The following PCDH9 variants were observed in gnomAD, a reference collection of about 807,000 sequenced individuals.
PCDH9 encodes protocadherin 9.
A neutral mutation model predicts 70.6 loss-of-function variants in PCDH9; 24 were observed. The observed-to-expected ratio is 0.34, with a 90% CI of 0.25 to 0.48. The LOEUF (loss-of-function observed/expected upper bound fraction) is 0.48, where lower values mean the gene tolerates loss of function less well. Among genes scored for constraint, PCDH9 ranks in the 20% least tolerant of loss-of-function variants. The pLI is 0.99. For missense variants in PCDH9, 1,281 were observed against 1,503.6 expected (o/e 0.85, Z 2.45); for synonymous variants, 562 against 558.5 (o/e 1.01, Z -0.09).
At chr13:66,457,278 TTTG>T (rs1234789891) in intron 4 of PCDH9, among the ~76,000 whole-genome samples, 10 of 152,106 alleles carry the variant, frequency 6.6e-5, no homozygotes, top group East Asian at 3.9e-4. Flanking sequence ...AGCTTATTAT[TTTG>T]TTATTTATCC....
intron 4 of PCDH9, among the ~76,000 whole-genome samples, chr13:66,496,791 G>A (rs1946787734): frequency 6.6e-6 from 1 of 152,078 alleles, no homozygotes; most frequent in South Asian, 2.1e-4. Context: ...GTTCTCAATA[G>A]TGCAATTAGT....
chr13:66,562,531 A>G (rs1468536070), intron 4 of PCDH9, among the ~76,000 whole-genome samples: 2 of 152,198 alleles, frequency 1.3e-5, no homozygotes, highest in Admixed American at 1.3e-4. Flanking sequence ...CATGTCTTAC[A>G]TGGTAGCAGG....
chr13:66,874,989 G>A (rs1398041547), intron 3 of PCDH9, among the ~76,000 whole-genome samples: 3 of 150,506 alleles, frequency 2.0e-5, no homozygotes, highest in Non-Finnish European at 4.4e-5. Context: ...GAAGGGGGAG[G>A]GAGGAGGAGA....
intron 3 of PCDH9, among the ~76,000 whole-genome samples, chr13:66,722,394 C>T (rs1385714315): frequency 2.0e-5 from 3 of 152,062 alleles, no homozygotes; most frequent in Non-Finnish European, 4.4e-5. Flanking sequence ...AAAATCAAAT[C>T]GCAAAGAGAT....
chr13:66,680,071 C>T lies in PCDH9; in HGVS notation c.3139-48660G>A, dbSNP rs115042758. Among the ~76,000 whole-genome samples, 348 of 151,998 alleles carry T rather than the reference C, an allele frequency of 2.3e-3. 1 individual carries two copies. The highest frequency in any genetic ancestry group is 8.3e-3 in the African/African-American group (343 of 41,536). On this transcript the variant is annotated intron_variant, in intron 3 of 4. Transcript: ENST00000377865. ...TAAGAGTTCAGATTCCTAATTTCAA[C>T]TTCTGGATTCCTTTGGCAATATTTA...
chr13:66,622,431 G>A (rs1030158915), intron 4 of PCDH9, among the ~76,000 whole-genome samples: 5 of 152,204 alleles, frequency 3.3e-5, no homozygotes, highest in African/African-American at 1.2e-4. Flanking sequence ...TGGGGACGTG[G>A]AGAACCTTTG....
intron 2 of PCDH9, among the ~76,000 whole-genome samples, chr13:67,047,930 AC>A (rs1232176398): frequency 1.3e-5 from 2 of 152,260 alleles, no homozygotes; most frequent in East Asian, 3.9e-4. Flanking sequence ...CAATTTATGA[AC>A]CGGATTTCCT....
intron 2 of PCDH9, among the ~76,000 whole-genome samples, chr13:66,940,196 T>C (rs927745542): frequency 3.3e-5 from 5 of 152,186 alleles, no homozygotes; most frequent in Non-Finnish European, 7.4e-5. Flanking sequence ...TTCCAATTCA[T>C]TGGCCTTCAT....
At chr13:66,855,981 T>C (rs1409146758) in intron 3 of PCDH9, among the ~76,000 whole-genome samples, 2 of 151,922 alleles carry the variant, frequency 1.3e-5, no homozygotes, top group Non-Finnish European at 2.9e-5. Flanking sequence ...ATTATGAACA[T>C]GGTTTACTAA....
At chr13:67,170,505 T>C (rs1393253082) in intron 2 of PCDH9, among the ~76,000 whole-genome samples, 1 of 152,212 alleles carries the variant, frequency 6.6e-6, no homozygotes, top group Non-Finnish European at 1.5e-5. Context: ...CCATTCGATT[T>C]GCAATAGCAA....
chr13:66,686,858 A>T (rs1055906947), intron 3 of PCDH9, among the ~76,000 whole-genome samples: 1 of 152,126 alleles, frequency 6.6e-6, no homozygotes, highest in Non-Finnish European at 1.5e-5. Flanking sequence ...GGCTTAGAAA[A>T]ATTCTCAAAA....
chr13:67,112,500 C>T (rs2086676806), intron 2 of PCDH9, among the ~76,000 whole-genome samples: 1 of 152,094 alleles, frequency 6.6e-6, no homozygotes, highest in African/African-American at 2.4e-5. Context: ...TTATCATTTG[C>T]ACTGGGTCTT....
chr13:67,024,942 T>C (rs1397868409), intron 2 of PCDH9, among the ~76,000 whole-genome samples: 2 of 152,156 alleles, frequency 1.3e-5, no homozygotes, highest in African/African-American at 4.8e-5. Flanking sequence ...TTTCATCTAC[T>C]TACATAAATG....
At chr13:67,093,156 T>G (rs2086252360) in intron 2 of PCDH9, among the ~76,000 whole-genome samples, 1 of 152,270 alleles carries the variant, frequency 6.6e-6, no homozygotes, top group East Asian at 1.9e-4. Context: ...TTAGTTTGTC[T>G]TTAAAAGAGC....
chr13:66,456,420 C>T (rs1594010782), intron 4 of PCDH9, among the ~76,000 whole-genome samples: 1 of 152,044 alleles, frequency 6.6e-6, no homozygotes, highest in African/African-American at 2.4e-5. Flanking sequence ...TACCACCACA[C>T]CTAGCTAATT....
At chr13:66,445,171 A>T (rs914587992) in intron 4 of PCDH9, among the ~76,000 whole-genome samples, 3 of 146,694 alleles carry the variant, frequency 2.0e-5, no homozygotes, top group African/African-American at 7.4e-5. Flanking sequence ...ATTATATATT[A>T]TATATATATA....
At chr13:67,211,008 A>T (rs577329596) in intron 2 of PCDH9, 1 of 152,092 alleles carries the variant, frequency 6.6e-6, no homozygotes, top group African/African-American at 2.4e-5. Flanking sequence ...ACCAACCTTT[A>T]TTTAAATGTC....
chr13:66,546,077 A>G (rs1401248513), intron 4 of PCDH9, among the ~76,000 whole-genome samples: 1 of 151,556 alleles, frequency 6.6e-6, no homozygotes, highest in Non-Finnish European at 1.5e-5. Context: ...TGACCTCATG[A>G]TCCATCCATC....
chr13:67,110,514 CAA>C (rs67490405), intron 2 of PCDH9, among the ~76,000 whole-genome samples: 124 of 78,668 alleles, frequency 1.6e-3, no homozygotes, highest in African/African-American at 3.9e-3. Flanking sequence ...CACTCCATCT[CAA>C]AAAAAAAAAA....
Sources: gnomAD v4.1 joint callset for allele counts (sites outside exome capture counted in the v4.1 genomes callset) on GRCh38, gnomAD v4.1.1 for gene constraint, MANE v1.5 for transcripts, NCBI Gene and HGNC (gene_info 2026-07-23, HGNC 2026-07-21) for gene names.